The following CEP128 variants were observed in gnomAD, a reference collection of about 807,000 sequenced individuals.
The protein encoded by CEP128 is centrosomal protein 128, also known as centrosomal protein 128kDa.
A neutral mutation model predicts 156.7 loss-of-function variants in CEP128; 132 were observed. The ratio of observed to expected loss-of-function variants is 0.84; its 90% CI spans 0.73 to 0.97. CEP128 has a LOEUF of 0.97. Among genes scored for constraint, CEP128 ranks in the 50% least tolerant of loss-of-function variants. The probability of loss-of-function intolerance (pLI) is 0.00; values close to 1 mark genes in which losing one functional copy is unlikely to be tolerated. For synonymous variants in CEP128, 469 were observed against 448.9 expected, an observed-to-expected ratio of 1.04 and a Z score of -0.57; for missense variants, 1,252 against 1,281.9, an observed-to-expected ratio of 0.98 and a Z score of 0.36.
intron 19 of CEP128, among the ~76,000 whole-genome samples, chr14:80,675,802 T>C (rs1034923245): frequency 1.3e-5 from 2 of 152,092 alleles, no homozygotes; most frequent in African/African-American, 2.4e-5. Context: ...GGATAAAATT[T>C]TTCCCTACCC....
intron 21 of CEP128, among the ~76,000 whole-genome samples, chr14:80,542,785 T>C (rs1444153942): frequency 1.3e-5 from 2 of 152,142 alleles, no homozygotes; most frequent in Non-Finnish European, 2.9e-5. Flanking sequence ...ATTTGTCTCT[T>C]CCATATTTAA....
At chr14:80,722,151 A>G (rs1385307501) in intron 19 of CEP128, among the ~76,000 whole-genome samples, 1 of 152,204 alleles carries the variant, frequency 6.6e-6, no homozygotes, top group Non-Finnish European at 1.5e-5. Flanking sequence ...TATCCATTTT[A>G]TCCTTTGGAG....
chr14:80,915,388 C>T (rs1013205775), intron 3 of CEP128, among the ~76,000 whole-genome samples: 9 of 152,310 alleles, frequency 5.9e-5, no homozygotes, highest in Admixed American at 4.6e-4. Context: ...TGCATGGCTT[C>T]GCCACCAGAA....
rs74818476 is a variant in CEP128, at chr14:80,922,314, C to T, written c.-15-5752G>A. Among the ~76,000 whole-genome samples the T allele has an allele frequency of 6.1e-3, 935 of 152,248 alleles. 9 individuals are homozygous for T. The highest frequency in any genetic ancestry group is 0.021 in the African/African-American group (877 of 41,556). ...CTCACCAACTGATGAGCTGAAGAAA[C>T]GGGATCACAGTGCCAATCTTTACTA... On this transcript the variant is annotated intron_variant, in intron 2 of 24. Coordinates refer to ENST00000555265, the MANE Select transcript of CEP128 (RefSeq NM_152446.5).
chr14:80,527,568 C>G (rs1288228512), intron 22 of CEP128, among the ~76,000 whole-genome samples: 1 of 152,072 alleles, frequency 6.6e-6, no homozygotes, highest in Non-Finnish European at 1.5e-5. Context: ...TGACTGACAC[C>G]CTTTAGAACA....
intron 13 of CEP128, among the ~76,000 whole-genome samples, chr14:80,797,581 T>C (rs996774083): frequency 4.6e-5 from 7 of 152,188 alleles, no homozygotes; most frequent in African/African-American, 1.2e-4. Flanking sequence ...TATTCAGCCA[T>C]TGTTTCGGCA....
At chr14:80,686,936 T>C (rs1017943088) in intron 19 of CEP128, among the ~76,000 whole-genome samples, 2 of 152,114 alleles carry the variant, frequency 1.3e-5, no homozygotes, top group African/African-American at 4.8e-5. Flanking sequence ...CCCAGATTCA[T>C]AAAACAAGTA....
chr14:80,714,618 A>G (rs2139428136), intron 19 of CEP128, among the ~76,000 whole-genome samples: 1 of 152,216 alleles, frequency 6.6e-6, no homozygotes, highest in South Asian at 2.1e-4. Flanking sequence ...GCTCTCTAAC[A>G]GGCAAACCTC....
At chr14:80,659,804 A>G (rs1307150155) in intron 19 of CEP128, among the ~76,000 whole-genome samples, 1 of 152,162 alleles carries the variant, frequency 6.6e-6, no homozygotes, top group Non-Finnish European at 1.5e-5. Flanking sequence ...AATAATGATG[A>G]CACTCAATTT....
At chr14:80,688,719 C>T (rs1283261352) in intron 19 of CEP128, among the ~76,000 whole-genome samples, 4 of 152,124 alleles carry the variant, frequency 2.6e-5, no homozygotes, top group African/African-American at 9.7e-5. Context: ...ACAATGTTAC[C>T]ATTCTGTCTC....
At chr14:80,831,691 A>C (rs904232264) in intron 12 of CEP128, among the ~76,000 whole-genome samples, 2 of 152,148 alleles carry the variant, frequency 1.3e-5, no homozygotes, top group Admixed American at 1.3e-4. Flanking sequence ...ATAAACAACA[A>C]ATGATGCTAT....
intron 19 of CEP128, among the ~76,000 whole-genome samples, chr14:80,596,842 A>AAAGGG (rs1555379468): frequency 1.4e-5 from 1 of 69,832 alleles, no homozygotes; most frequent in Non-Finnish European, 2.9e-5. Flanking sequence ...AAAAAAAAAA[A>AAAGGG]GGTGGGGGGG....
At chr14:80,784,083 T>C (rs1901265293) in intron 15 of CEP128, among the ~76,000 whole-genome samples, 1 of 152,154 alleles carries the variant, frequency 6.6e-6, no homozygotes, top group African/African-American at 2.4e-5. Context: ...ATTATAATAA[T>C]TAACCTTCAA....
chr14:80,621,627 A>T (rs1160396715), intron 19 of CEP128, among the ~76,000 whole-genome samples: 3 of 152,190 alleles, frequency 2.0e-5, no homozygotes, highest in Non-Finnish European at 4.4e-5. Context: ...AGAAAGACTA[A>T]AAAGGGGGTA....
chr14:80,694,275 T>G (rs530204538), intron 19 of CEP128, among the ~76,000 whole-genome samples: 1 of 152,280 alleles, frequency 6.6e-6, no homozygotes, highest in South Asian at 2.1e-4. Flanking sequence ...CTGGAGAGGA[T>G]GTGGAGAAAT....
At chr14:80,713,483 C>T (rs1163487239) in intron 19 of CEP128, among the ~76,000 whole-genome samples, 1 of 152,040 alleles carries the variant, frequency 6.6e-6, no homozygotes. Context: ...CAGAGTCCAA[C>T]TTAAATACTA....
intron 19 of CEP128, among the ~76,000 whole-genome samples, chr14:80,665,700 A>G (rs1159812659): frequency 6.6e-6 from 1 of 152,174 alleles, no homozygotes; most frequent in Non-Finnish European, 1.5e-5. Flanking sequence ...TTATAGAGAC[A>G]GGCAGATATA....
intron 19 of CEP128, among the ~76,000 whole-genome samples, chr14:80,687,244 C>G (rs1009907056): frequency 6.6e-6 from 1 of 152,074 alleles, no homozygotes; most frequent in Non-Finnish European, 1.5e-5. Flanking sequence ...ACAGCACAAT[C>G]AACAAATGGT....
intron 19 of CEP128, among the ~76,000 whole-genome samples, chr14:80,654,675 T>A (rs538065002): frequency 2.4e-4 from 37 of 152,186 alleles, no homozygotes; most frequent in Non-Finnish European, 4.1e-4. Flanking sequence ...TCTTTAATGT[T>A]CTTGAAGTAT....
Sources: allele counts gnomAD v4.1 joint callset (sites outside exome capture counted in the v4.1 genomes callset), GRCh38; gene constraint gnomAD v4.1.1; transcripts MANE v1.5; gene names NCBI Gene and HGNC (gene_info 2026-07-23, HGNC 2026-07-21).